Variants in SLC35F2 observed in about 807,000 individuals in gnomAD.
SLC35F2 encodes solute carrier family 35 member F2.
A neutral mutation model predicts 38.1 loss-of-function variants in SLC35F2; 25 were observed. That is an observed-to-expected ratio of 0.66 (90% CI 0.48 to 0.92). The LOEUF (loss-of-function observed/expected upper bound fraction) is 0.92. SLC35F2 is among the 40% of genes least tolerant of loss of function. The pLI is 0.00. For missense variants in SLC35F2, 409 were observed against 452.9 expected, an observed-to-expected ratio of 0.90 and a Z score of 0.88; for synonymous variants, 173 against 181.7, an observed-to-expected ratio of 0.95 and a Z score of 0.38.
intron 1 of SLC35F2, chr11:107,824,040 T>A (rs1859717018): frequency 1.0e-6 from 1 of 982,044 alleles, no homozygotes; most frequent in African/African-American, 1.7e-5. Flanking sequence ...AGTCCTACGA[T>A]TCAAAAGTTT....
intron 1 of SLC35F2, among the ~76,000 whole-genome samples, chr11:107,857,033 A>C (rs940513900): frequency 1.4e-5 from 2 of 146,324 alleles, no homozygotes; most frequent in African/African-American, 5.1e-5. Flanking sequence ...GGAAGGAAGG[A>C]AGGCAGGAAG....
chr11:107,814,029 T>A (rs919953494), intron 2 of SLC35F2, among the ~76,000 whole-genome samples: 5 of 152,168 alleles, frequency 3.3e-5, no homozygotes, highest in Non-Finnish European at 7.4e-5. Flanking sequence ...TCTAATTTCC[T>A]AAGTGTGCAC....
chr11:107,845,838 C>T (rs1480268672), intron 1 of SLC35F2, among the ~76,000 whole-genome samples: 9 of 151,236 alleles, frequency 6.0e-5, no homozygotes, highest in African/African-American at 2.2e-4. Context: ...CTGTAATCCA[C>T]GCTACTCAGG....
chr11:107,844,092 C>T (rs1430617961), intron 1 of SLC35F2, among the ~76,000 whole-genome samples: 2 of 151,726 alleles, frequency 1.3e-5, no homozygotes, highest in Non-Finnish European at 2.9e-5. Flanking sequence ...CCAGAACAGG[C>T]CTAGGGATAG....
chr11:107,839,778 TA>T (rs1173809785), intron 1 of SLC35F2, among the ~76,000 whole-genome samples: 1 of 152,050 alleles, frequency 6.6e-6, no homozygotes, highest in Admixed American at 6.6e-5. Flanking sequence ...CTCAGCCTCC[TA>T]AGTAGCTGGG....
At chr11:107,829,283 G>A (rs1473072630) in intron 1 of SLC35F2, among the ~76,000 whole-genome samples, 1 of 152,040 alleles carries the variant, frequency 6.6e-6, no homozygotes, top group East Asian at 1.9e-4. Context: ...GCCAGGCATG[G>A]TGGCAGGTGC....
chr11:107,855,514 T>C (rs1860263234), intron 1 of SLC35F2, among the ~76,000 whole-genome samples: 1 of 151,670 alleles, frequency 6.6e-6, no homozygotes, highest in Non-Finnish European at 1.5e-5. Context: ...TAGCCAGGTG[T>C]GGTGGTGCAT....
chr11:107,817,472 A>T (rs1439549363), intron 1 of SLC35F2, among the ~76,000 whole-genome samples: 1 of 152,122 alleles, frequency 6.6e-6, no homozygotes, highest in Non-Finnish European at 1.5e-5. Flanking sequence ...TCCTACTCTC[A>T]TTCTACCCAA....
At chr11:107,830,961 T>A (rs1257855753) in intron 1 of SLC35F2, among the ~76,000 whole-genome samples, 1 of 152,188 alleles carries the variant, frequency 6.6e-6, no homozygotes, top group African/African-American at 2.4e-5. Flanking sequence ...AGATTGCTGA[T>A]CTAATATAAA....
intron 1 of SLC35F2, among the ~76,000 whole-genome samples, chr11:107,837,635 A>C (rs755268729): frequency 5.3e-5 from 8 of 152,094 alleles, no homozygotes; most frequent in Non-Finnish European, 7.4e-5. Flanking sequence ...CAGAGGTAGC[A>C]GTGAGCTGGG....
At chr11:107,853,693 C>T in intron 1 of SLC35F2, among the ~76,000 whole-genome samples, 1 of 130,136 alleles carries the variant, frequency 7.7e-6, no homozygotes, top group Non-Finnish European at 1.5e-5. Context: ...GCACTCCAGC[C>T]TGGGCGACAG....
chr11:107,850,134 G>A (rs1860155481), intron 1 of SLC35F2, among the ~76,000 whole-genome samples: 1 of 152,134 alleles, frequency 6.6e-6, no homozygotes, highest in African/African-American at 2.4e-5. Context: ...TGATTCTGTA[G>A]TGCCCAAGAT....
intron 1 of SLC35F2, among the ~76,000 whole-genome samples, chr11:107,842,288 A>G (rs1860025228): frequency 6.7e-6 from 1 of 148,426 alleles, no homozygotes; most frequent in Admixed American, 6.7e-5. Flanking sequence ...AAAAAAAATT[A>G]AAGCTTGACT....
intron 1 of SLC35F2, among the ~76,000 whole-genome samples, chr11:107,850,683 G>C (rs188175475): frequency 6.6e-6 from 1 of 151,522 alleles, no homozygotes; most frequent in Non-Finnish European, 1.5e-5. Flanking sequence ...TTAGCCGAAC[G>C]TGGTGGCAGG....
intron 2 of SLC35F2, among the ~76,000 whole-genome samples, chr11:107,812,721 T>A (rs1397998184): frequency 6.6e-6 from 1 of 152,150 alleles, no homozygotes; most frequent in Non-Finnish European, 1.5e-5. Flanking sequence ...TTTCCTATCA[T>A]AACAGAAACA....
intron 1 of SLC35F2, among the ~76,000 whole-genome samples, chr11:107,843,883 ATATATATATATATATATATATATATG>A (rs1860060358): frequency 2.1e-5 from 1 of 47,240 alleles, no homozygotes; most frequent in African/African-American, 8.6e-5. Flanking sequence ...ATATATATAT[ATATATATATATATATATATATATATG>A]TATATTAATT....
chr11:107,802,906 A>C, intron 7 of SLC35F2, 95 bp downstream of exon 7: 1 of 1,032,420 alleles, frequency 9.7e-7, no homozygotes, highest in Non-Finnish European at 1.2e-6. Flanking sequence ...AGAAGATGAG[A>C]AGGTTTTATT....
At chr11:107,810,003 T>A (rs1479712908) in intron 3 of SLC35F2, 1 of 985,270 alleles carries the variant, frequency 1.0e-6, no homozygotes, top group Admixed American at 6.2e-5. Flanking sequence ...AACTATCCCA[T>A]GACTGTTGGT....
chr11:107,820,440 G>C (rs1029249227), intron 1 of SLC35F2, among the ~76,000 whole-genome samples: 4 of 151,958 alleles, frequency 2.6e-5, no homozygotes, highest in Non-Finnish European at 5.9e-5. Context: ...GTAGTGTTTT[G>C]CCTAAGATCA....
Sources: gnomAD v4.1 joint callset for allele counts (sites outside exome capture counted in the v4.1 genomes callset) on GRCh38, gnomAD v4.1.1 for gene constraint, MANE v1.5 for transcripts, NCBI Gene and HGNC (gene_info 2026-07-23, HGNC 2026-07-21) for gene names.